XKRX: variants seen among roughly 807,000 people sequenced by gnomAD.
The protein encoded by XKRX is XK related X-linked.
XKRX carries 11 observed loss-of-function variants against 22.4 expected under a neutral mutation model. The observed-to-expected ratio is 0.49, with a 90% CI of 0.31 to 0.81. XKRX has a LOEUF of 0.81. Among genes scored for constraint, XKRX ranks in the 40% least tolerant of loss-of-function variants. The pLI, the probability that XKRX is intolerant of heterozygous loss-of-function variation, is 0.05. For synonymous variants in XKRX, 114 were observed against 132.2 expected (o/e 0.86, Z 0.94); for missense variants, 320 against 336.5 (o/e 0.95, Z 0.38).
the XKRX span, among the ~76,000 whole-genome samples, chrX:100,948,197 C>T: frequency 9.9e-5 from 11 of 111,125 alleles, no homozygotes; most frequent in Non-Finnish European, 1.5e-4. Flanking sequence ...TGAGTGACCA[C>T]GACCAGCCAA....
At chrX:100,932,508 A>G (rs764697597), upstream of XKRX, among the ~76,000 whole-genome samples, 1 of 111,983 alleles carries the variant, frequency 8.9e-6, no homozygotes, top group Non-Finnish European at 1.9e-5. Flanking sequence ...TTACCACTCT[A>G]TTTCCAACCA....
the XKRX span, among the ~76,000 whole-genome samples, chrX:100,950,004 G>A: frequency 2.1e-4 from 23 of 111,673 alleles, no homozygotes; most frequent in African/African-American, 7.2e-4. Context: ...GGCTATAGCC[G>A]AATGAATATG....
chrX:100,910,703 C>A, downstream of XKRX: 1 of 534,818 alleles, frequency 1.9e-6, no homozygotes, highest in South Asian at 3.3e-5. Flanking sequence ...AACTCTGCGG[C>A]CTTCACCATG....
At chrX:100,956,920 G>GT in the XKRX span, 4 of 905,232 alleles carry the variant, frequency 4.4e-6, no homozygotes, top group Non-Finnish European at 6.0e-6. Flanking sequence ...TTACACTGTG[G>GT]TCCATTGAAT....
At position 100,922,889 on chromosome X, in the gene XKRX, G is replaced by A. The variant is rs778346997; in HGVS notation, c.508C>T (p.Arg170Cys). 1.7e-5 allele frequency: 20 copies of A among 1,209,396 alleles called. No homozygotes were observed. In the South Asian group the frequency reaches 2.5e-4, roughly 15 times the overall value. ...TLAMHRNAYK[R>C]MSQIQAFLGS... is the part of the protein sequence containing the mutation. ...AGGAAGGCTTGGATCTGTGACATAC[G>A]TTTGTAGGCATTGCGGTGCATAGCC... is the stretch of plus-strand genomic sequence containing the variant. Residue 170 changes from arginine (R) to cysteine (C), a missense_variant, in exon 2 of 3, where the codon CGT (arginine) becomes TGT (cysteine). Arg to Cys is a radical substitution (Grantham distance 180). Coordinates refer to ENST00000372956, the MANE Select transcript of XKRX (RefSeq NM_212559.3).
upstream of XKRX, among the ~76,000 whole-genome samples, chrX:100,933,529 G>A (rs1197239880): frequency 9.3e-6 from 1 of 108,017 alleles, no homozygotes; most frequent in Non-Finnish European, 1.9e-5. Flanking sequence ...GTATCATCTA[G>A]GTCTTATTTT....
chrX:100,922,550 G>A (rs1323472674), intron 2 of XKRX, among the ~76,000 whole-genome samples: 1 of 112,368 alleles, frequency 8.9e-6, no homozygotes, highest in Non-Finnish European at 1.9e-5. Flanking sequence ...AGTGCTGTCC[G>A]ATAGAACTTT....
chrX:100,937,177 G>A, the XKRX span, among the ~76,000 whole-genome samples: 84 of 110,593 alleles, frequency 7.6e-4, no homozygotes, highest in Middle Eastern at 0.028. Flanking sequence ...TTTTAGTAGA[G>A]ACGAGGTTTC....
chrX:100,902,820 G>A, the XKRX span, among the ~76,000 whole-genome samples: 1 of 108,734 alleles, frequency 9.2e-6, no homozygotes, highest in Non-Finnish European at 1.9e-5. Flanking sequence ...GCGTGATCTC[G>A]TCTCACTGCA....
rs369603996 is a variant in XKRX at position 100,914,840 on chromosome X, T to C, written c.848A>G (p.Glu283Gly). The change falls in exon 3 of 3, where the codon GAG becomes GGG. Residue 283 changes from glutamate to glycine, a missense_variant. Coordinates refer to ENST00000372956, the MANE Select transcript of XKRX (RefSeq NM_212559.3). ...ACTTCTCCAGAACTTAATCCAGGGC[T>C]CAAAGAGGATGATCAGGAAGTTGAG... is the stretch of plus-strand genomic sequence containing the variant. ...LVLNFLIILF[E>G]PWIKFWRSGA... is the part of the protein sequence containing the mutation. 22 of 1,209,475 alleles carry C rather than the reference T, an allele frequency of 1.8e-5. No individual in the cohort carries two copies. The African/African-American group carries it at 3.3e-4, about 18-fold the overall frequency.
intron 1 of XKRX, among the ~76,000 whole-genome samples, chrX:100,926,300 C>T (rs756913656): frequency 9.0e-6 from 1 of 111,561 alleles, no homozygotes; most frequent in South Asian, 3.8e-4. Context: ...AACACACAAC[C>T]AGTCAATGAC....
the XKRX span, among the ~76,000 whole-genome samples, chrX:100,945,152 A>T: frequency 9.4e-6 from 1 of 106,314 alleles, no homozygotes; most frequent in Non-Finnish European, 1.9e-5. Flanking sequence ...AACGTGGCTC[A>T]CTGCAGCCTC....
Position 100,914,637 on chromosome X carries a change from G to T in XKRX, c.1051C>A (p.Leu351Met), listed in dbSNP as rs1220303135. The T allele has an allele frequency of 8.3e-7, 1 of 1,211,711 alleles. No homozygotes were observed. The highest frequency in any genetic ancestry group is 1.1e-6 in the Non-Finnish European group (1 of 895,543). ...DKGQNWGHMG[L>M]HYSVRLVENV... The stretch of plus-strand genomic sequence containing the variant: ...TCTACCAACCTCACACTATAGTGCA[G>T]GCCCATATGTCCCCAGTTCTGCCCT... Residue 351 changes from leucine (L) to methionine (M), a missense_variant, in exon 3 of 3, where the codon CTG becomes ATG. Coordinates refer to ENST00000372956, the MANE Select transcript of XKRX (RefSeq NM_212559.3).
the XKRX span, among the ~76,000 whole-genome samples, chrX:100,958,370 T>A: frequency 2.7e-5 from 3 of 112,386 alleles, no homozygotes; most frequent in Non-Finnish European, 3.8e-5. Flanking sequence ...ATCAGGGTCT[T>A]CCCATGGTGG....
chrX:100,913,204 GA>G (rs1216276910), downstream of XKRX, among the ~76,000 whole-genome samples: 1,131 of 90,532 alleles, frequency 0.012, 17 homozygotes, highest in African/African-American at 0.04. Flanking sequence ...TCTCAAAAAA[GA>G]AAAAAAAAAA....
chrX:100,920,626 G>A (rs1791237771), intron 2 of XKRX, among the ~76,000 whole-genome samples: 1 of 112,270 alleles, frequency 8.9e-6, no homozygotes, highest in Admixed American at 9.4e-5. Context: ...AAACCATACA[G>A]AAGAATTTTA....
At chrX:100,923,222 A>G (rs1029009226) in intron 1 of XKRX, among the ~76,000 whole-genome samples, 161 bp from the exon 2 acceptor site, 1 of 112,075 alleles carries the variant, frequency 8.9e-6, no homozygotes, top group Non-Finnish European at 1.9e-5. Context: ...CACAATCATA[A>G]TTCATTGCAG....
At chrX:100,952,680 G>A in the XKRX span, among the ~76,000 whole-genome samples, 2,301 of 111,734 alleles carry the variant, frequency 0.021, 63 homozygotes, top group African/African-American at 0.071. Context: ...CAACAAATTA[G>A]ATGGATCTAA....
chrX:100,917,658 AAAG>A (rs1375215262), intron 2 of XKRX, among the ~76,000 whole-genome samples: 10 of 46,407 alleles, frequency 2.2e-4, no homozygotes, highest in African/African-American at 3.3e-4. Flanking sequence ...AGAAAGAAAG[AAAG>A]AAAGAAAGAA....
Sources: allele counts gnomAD v4.1 joint callset (sites outside exome capture counted in the v4.1 genomes callset), GRCh38; gene constraint gnomAD v4.1.1; transcripts MANE v1.5; gene names NCBI Gene and HGNC (gene_info 2026-07-23, HGNC 2026-07-21).